Variants in ABCB1 observed in about 807,000 individuals in gnomAD.
The protein encoded by ABCB1 is ATP binding cassette subfamily B member 1.
In ABCB1, 69 loss-of-function variants were observed where a neutral mutation model predicts 142.0. That is an observed-to-expected ratio of 0.49 (90% CI 0.40 to 0.59). The LOEUF (loss-of-function observed/expected upper bound fraction) is 0.59. Ranked by LOEUF, ABCB1 falls within the 20% of genes least tolerant of loss-of-function variation. The probability of loss-of-function intolerance (pLI) is 0.00; values close to 1 mark genes in which losing one functional copy is unlikely to be tolerated. For synonymous variants in ABCB1, 532 were observed against 539.2 expected (o/e 0.99, Z 0.18); for missense variants, 1,326 against 1,554.7 (o/e 0.85, Z 2.47).
At chr7:87,521,540 C>T in intron 21 of ABCB1, 1 of 756,406 alleles carries the variant, frequency 1.3e-6, no homozygotes, top group South Asian at 1.4e-5. Flanking sequence ...CATTGGTTGA[C>T]CAATGAGAGC....
intron 4 of ABCB1, among the ~76,000 whole-genome samples, chr7:87,578,884 A>G (rs1019104070): frequency 4.6e-5 from 7 of 151,610 alleles, no homozygotes; most frequent in South Asian, 4.2e-4. Flanking sequence ...TAGTAGAGAC[A>G]GGGTTTCACC....
intron 1 of ABCB1, chr7:87,628,813 G>A (rs1820876589): frequency 2.4e-6 from 3 of 1,237,992 alleles, no homozygotes; most frequent in Non-Finnish European, 2.0e-6. Flanking sequence ...GGGCACGGGG[G>A]TAAGCCCGCC....
chr7:87,647,861 A>G (rs1424896127), intron 1 of ABCB1, among the ~76,000 whole-genome samples: 1 of 152,152 alleles, frequency 6.6e-6, no homozygotes, highest in Non-Finnish European at 1.5e-5. Flanking sequence ...AAATTGGCCA[A>G]CTTGCAGAGA....
At chr7:87,565,298 G>A (rs1817742669) in intron 7 of ABCB1, among the ~76,000 whole-genome samples, 1 of 152,026 alleles carries the variant, frequency 6.6e-6, no homozygotes, top group African/African-American at 2.4e-5. Context: ...GAGTTGTGTT[G>A]AACTCCACAA....
chr7:87,662,172 C>T (rs951273306), intron 1 of ABCB1, among the ~76,000 whole-genome samples: 18 of 152,080 alleles, frequency 1.2e-4, no homozygotes, highest in Admixed American at 1.1e-3. Context: ...GATGAGTAGT[C>T]TGCAAATATT....
intron 1 of ABCB1, among the ~76,000 whole-genome samples, chr7:87,691,025 C>T (rs889235362): frequency 5.3e-5 from 8 of 151,604 alleles, no homozygotes; most frequent in African/African-American, 1.2e-4. Flanking sequence ...ATATCAATCA[C>T]GATAGTGATT....
chr7:87,520,996 A>G, intron 21 of ABCB1, 120 bp from the exon 22 acceptor site: 1 of 778,116 alleles, frequency 1.3e-6, no homozygotes, highest in Non-Finnish European at 2.2e-6. Flanking sequence ...ATTATGTATG[A>G]GCATTTTCTC....
At position 87,528,076 on chromosome 7, in the gene ABCB1, G is replaced by C. The variant is rs140257297; in HGVS notation, c.2685+3218C>G. Among the ~76,000 whole-genome samples the C allele has an allele frequency of 6.8e-3, 1,036 of 152,212 alleles. 6 individuals are homozygous for C. The highest frequency in any genetic ancestry group is 9.0e-3 in the Non-Finnish European group (611 of 68,014). Reference sequence around the variant, plus strand: ...TTTATAAAATCATCAGATCTCATGAGACTTATTCACTATCATGAGAATAGC... The same window carrying C: ...TTTATAAAATCATCAGATCTCATGACACTTATTCACTATCATGAGAATAGC... On this transcript the variant is annotated intron_variant, in intron 21 of 27. Coordinates refer to ENST00000622132, the MANE Select transcript of ABCB1 (RefSeq NM_001348946.2).
intron 4 of ABCB1, among the ~76,000 whole-genome samples, chr7:87,570,845 T>C (rs1818018472): frequency 6.6e-6 from 1 of 152,176 alleles, no homozygotes; most frequent in South Asian, 2.1e-4. Flanking sequence ...TCAGATTTTA[T>C]GTACGCATGT....
intron 1 of ABCB1, among the ~76,000 whole-genome samples, chr7:87,690,704 C>T (rs904892688): frequency 2.6e-5 from 4 of 152,046 alleles, no homozygotes; most frequent in African/African-American, 7.2e-5. Flanking sequence ...ATAAGCAACT[C>T]GCCTTAACAG....
chr7:87,634,781 A>C (rs1821596784), intron 1 of ABCB1, among the ~76,000 whole-genome samples: 2 of 152,144 alleles, frequency 1.3e-5, no homozygotes, highest in African/African-American at 4.8e-5. Flanking sequence ...CAGTCATTTT[A>C]TATGTAGTAG....
intron 20 of ABCB1, among the ~76,000 whole-genome samples, chr7:87,535,782 G>A (rs1306521037): frequency 4.6e-5 from 7 of 152,078 alleles, no homozygotes; most frequent in Non-Finnish European, 8.8e-5. Flanking sequence ...GATGGATAAG[G>A]TTCAAGAGGG....
chr7:87,676,947 T>A (rs1321914859), intron 1 of ABCB1, among the ~76,000 whole-genome samples: 1 of 152,042 alleles, frequency 6.6e-6, no homozygotes, highest in East Asian at 1.9e-4. Context: ...TCTGTCTAGA[T>A]GGCCAGTATA....
intron 1 of ABCB1, among the ~76,000 whole-genome samples, chr7:87,660,787 G>A (rs1824624083): frequency 6.6e-6 from 1 of 151,762 alleles, no homozygotes; most frequent in African/African-American, 2.4e-5. Flanking sequence ...TCATTTTTAA[G>A]TAATTTCTAC....
intron 2 of ABCB1, among the ~76,000 whole-genome samples, chr7:87,596,258 C>G (rs1584911651): frequency 6.6e-6 from 1 of 151,964 alleles, no homozygotes; most frequent in Non-Finnish European, 1.5e-5. Context: ...CATCCACTAC[C>G]CAGATATTAT....
At chr7:87,604,898 T>C (rs1819592283), upstream of ABCB1, among the ~76,000 whole-genome samples, 1 of 152,244 alleles carries the variant, frequency 6.6e-6, no homozygotes, top group Non-Finnish European at 1.5e-5. Flanking sequence ...CTTTTCAGTA[T>C]CGGCATCTCT....
chr7:87,678,606 A>AT (rs1312049142), intron 1 of ABCB1, among the ~76,000 whole-genome samples: 4 of 152,326 alleles, frequency 2.6e-5, no homozygotes, highest in Non-Finnish European at 5.9e-5. Context: ...TTATTAATAG[A>AT]TATGTTAAAT....
chr7:87,626,211 G>GTGTCATATATATGTCATATATATT (rs1820486781), intron 1 of ABCB1, among the ~76,000 whole-genome samples: 1 of 98,994 alleles, frequency 1.0e-5, no homozygotes, highest in Non-Finnish European at 2.1e-5. Flanking sequence ...TCATATATAT[G>GTGTCATATATATGTCATATATATT]TGTCATATAT....
At chr7:87,553,720 A>G (rs768245706) in intron 9 of ABCB1, 41 bp downstream of exon 9, 1 of 1,588,776 alleles carries the variant, frequency 6.3e-7, no homozygotes, top group Non-Finnish European at 8.6e-7. Flanking sequence ...TTTCATTGGC[A>G]TTTTATAATA....
Sources: allele counts gnomAD v4.1 joint callset (sites outside exome capture counted in the v4.1 genomes callset), GRCh38; gene constraint gnomAD v4.1.1; transcripts MANE v1.5; gene names NCBI Gene and HGNC (gene_info 2026-07-23, HGNC 2026-07-21).